The following SLIT1 variants were observed in gnomAD, a reference collection of about 807,000 sequenced individuals.
The protein encoded by SLIT1 is slit homolog 1 protein.
In SLIT1, 66 loss-of-function variants were observed where a neutral mutation model predicts 186.1. That is an observed-to-expected ratio of 0.35 (90% CI 0.29 to 0.44). The LOEUF is 0.44. Among genes scored for constraint, SLIT1 ranks in the 20% least tolerant of loss-of-function variants. The pLI is 1.00. For missense variants in SLIT1, 1,638 were observed against 2,037.4 expected (o/e 0.80, Z 3.77); for synonymous variants, 761 against 833.8 (o/e 0.91, Z 1.50).
rs569779330 is a variant in SLIT1 at position 97,008,005 on chromosome 10, G to A, written c.3342-1285C>T. ...GGAAGGAGGGAGGGAGGGAGGGAGA[G>A]GGGGAAGGCAGGAAGGCAAGAAGGA... is the stretch of plus-strand genomic sequence containing the variant. On this transcript the variant is annotated intron_variant, in intron 31 of 36. Transcript: ENST00000266058. Among the ~76,000 whole-genome samples the A allele has an allele frequency of 9.2e-5, 14 of 151,768 alleles. No homozygotes were observed. The South Asian group carries it at 2.9e-3, about 32-fold the overall frequency.
At chr10:97,114,754 G>A (rs917090191) in intron 4 of SLIT1, among the ~76,000 whole-genome samples, 3 of 152,144 alleles carry the variant, frequency 2.0e-5, no homozygotes, top group African/African-American at 4.8e-5. Context: ...AAGGAAGCTC[G>A]TCTCCCTAGC....
intron 1 of SLIT1, among the ~76,000 whole-genome samples, chr10:97,168,848 T>C (rs933082603): frequency 6.6e-6 from 1 of 152,172 alleles, no homozygotes; most frequent in African/African-American, 2.4e-5. Context: ...ATTTCACAGA[T>C]GGCAAAACTG....
intron 4 of SLIT1, among the ~76,000 whole-genome samples, chr10:97,073,070 A>C (rs1206296981): frequency 6.6e-6 from 1 of 152,228 alleles, no homozygotes; most frequent in Non-Finnish European, 1.5e-5. Flanking sequence ...TGGATGCCTC[A>C]ACCACATCGC....
At chr10:97,146,013 G>T (rs1849813663) in intron 4 of SLIT1, among the ~76,000 whole-genome samples, 2 of 152,098 alleles carry the variant, frequency 1.3e-5, no homozygotes, top group Non-Finnish European at 2.9e-5. Context: ...CTATTATATT[G>T]GTTAATAATG....
At chr10:97,046,579 C>A (rs529241945) in intron 18 of SLIT1, 75 bp downstream of exon 18, 3 of 1,438,546 alleles carry the variant, frequency 2.1e-6, no homozygotes, top group Non-Finnish European at 2.8e-6. Context: ...CTCCTCCAGC[C>A]TCTCTCTTCC....
rs45523139 is a variant in SLIT1, at chr10:97,066,143, G to C, written c.414-57C>G. On this transcript the variant is annotated intron_variant, in intron 4 of 36. Coordinates refer to ENST00000266058, the MANE Select transcript of SLIT1 (RefSeq NM_003061.3). ...ACCGGTCAGAAAAGAGGTTCCTGCA[G>C]AGTGCTGTGATAAGTCAGGGAAGCA... 733 of 1,376,982 alleles carry C rather than the reference G, an allele frequency of 5.3e-4. 1 individual carries two copies. Among genetic ancestry groups the C allele is most frequent in the Non-Finnish European group, 6.2e-4 (607 of 984,364 alleles). 85.3% of individuals were successfully genotyped at this position (1,376,982 alleles called of 1,614,324 possible). A position where few individuals can be genotyped will look rare whatever the true frequency, so the allele number is the denominator to read the frequency against.
At chr10:97,056,085 C>A (rs1848833546) in intron 13 of SLIT1, among the ~76,000 whole-genome samples, 1 of 152,186 alleles carries the variant, frequency 6.6e-6, no homozygotes, top group African/African-American at 2.4e-5. Context: ...CCCCATCTTA[C>A]GGATAAATAA....
intron 1 of SLIT1, among the ~76,000 whole-genome samples, chr10:97,178,929 C>T (rs1419536762): frequency 1.3e-5 from 2 of 152,116 alleles, no homozygotes; most frequent in African/African-American, 4.8e-5. Context: ...AATCTCCTCT[C>T]CCAGAACTCA....
chr10:97,049,902 C>G (rs187384450), intron 13 of SLIT1, among the ~76,000 whole-genome samples: 2 of 152,306 alleles, frequency 1.3e-5, no homozygotes, highest in Admixed American at 6.5e-5. Context: ...TTGCTGTGTG[C>G]GACCCCATGC....
chr10:97,059,260 T>C (rs1415852752), intron 11 of SLIT1, among the ~76,000 whole-genome samples, 200 bp downstream of exon 11: 2 of 152,136 alleles, frequency 1.3e-5, no homozygotes, highest in Non-Finnish European at 2.9e-5. Context: ...CGTCGGAGGG[T>C]CCACCAGTGA....
intron 1 of SLIT1, among the ~76,000 whole-genome samples, chr10:97,170,638 C>T (rs976058096): frequency 3.9e-5 from 6 of 152,342 alleles, no homozygotes; most frequent in South Asian, 2.1e-4. Flanking sequence ...ATCCTTCTCC[C>T]CAAGGAGGAA....
In SLIT1 at chr10:97,059,995, G is replaced by A. The variant is rs1464318318; in HGVS notation, c.1013+92C>T. ...GGCCAAGGCCACTCAGCTGTGGGGG[G>A]CTGAGTTAGGGCCTGCCCCAGGGCT... On this transcript the variant is annotated intron_variant, in intron 10 of 36. Transcript: ENST00000266058. 14 of 1,096,740 alleles carry A rather than the reference G, an allele frequency of 1.3e-5. No individual in the cohort carries two copies. The East Asian group carries it at 3.3e-4, about 26-fold the overall frequency. The allele number at this position is 1,096,740 out of a possible 1,614,324, so 67.9% of individuals were successfully genotyped here.
chr10:97,088,249 T>G (rs921098313), intron 4 of SLIT1, among the ~76,000 whole-genome samples: 4 of 152,204 alleles, frequency 2.6e-5, no homozygotes, highest in African/African-American at 7.2e-5. Context: ...CTATCTTCTC[T>G]GTCCCTCAAA....
intron 22 of SLIT1, among the ~76,000 whole-genome samples, chr10:97,035,494 C>G (rs1389308507): frequency 6.6e-6 from 1 of 152,214 alleles, no homozygotes; most frequent in African/African-American, 2.4e-5. Context: ...TCTGATCCGC[C>G]CCTGGCTGGT....
At chr10:97,130,393 G>A (rs1029624276) in intron 4 of SLIT1, among the ~76,000 whole-genome samples, 7 of 152,212 alleles carry the variant, frequency 4.6e-5, no homozygotes, top group Admixed American at 1.3e-4. Context: ...GATAACAAAC[G>A]TGGTATTTAA....
intron 4 of SLIT1, among the ~76,000 whole-genome samples, chr10:97,066,959 G>A (rs1414331895): frequency 2.0e-5 from 3 of 152,128 alleles, no homozygotes; most frequent in African/African-American, 4.8e-5. Flanking sequence ...GCTGGCTGTG[G>A]TGGGTGCGCC....
At chr10:97,064,378 A>G (rs994655886) in intron 6 of SLIT1, 139 bp from the exon 7 acceptor site, 5 of 727,970 alleles carry the variant, frequency 6.9e-6, no homozygotes, top group Non-Finnish European at 1.2e-5. Context: ...GCTAAGCCGA[A>G]GAGCATGAGG....
In SLIT1 at chr10:97,077,459, C is replaced by T. The variant is rs140238627; in HGVS notation, c.414-11373G>A. On this transcript the variant is annotated intron_variant, in intron 4 of 36. Coordinates refer to ENST00000266058, the MANE Select transcript of SLIT1 (RefSeq NM_003061.3). ...GCAGATGGCAGGGTCATCAGATCAG[C>T]GAGTTTCCCTAAAGGAAGTCTCAGG... Among the ~76,000 whole-genome samples the T allele has an allele frequency of 2.0e-5, 3 of 152,294 alleles. No homozygotes were observed. In the East Asian group the frequency reaches 5.8e-4, roughly 29 times the overall value.
At position 97,001,331 on chromosome 10, in the gene SLIT1, G is replaced by T. The variant is rs1848306687; in HGVS notation, c.4386C>A (p.Asp1462Glu). Residue 1462 changes from aspartate (D) to glutamate (E), a missense_variant, in exon 37 of 37, where the codon GAC (aspartate) becomes GAA (glutamate). By Grantham distance (45) the Asp-to-Glu change is conservative (BLOSUM62 2). Transcript: ENST00000266058. Reference sequence around the variant, plus strand: ...GGACCTGGTGAAAGTCCCGGACAGGGTCCCCCCGGCACTCGGACTCTGGAT... The same window carrying T: ...GGACCTGGTGAAAGTCCCGGACAGGTTCCCCCCGGCACTCGGACTCTGGAT... ...LCEQESECRG[D>E]PVRDFHQVQR... 3 of 1,612,640 alleles carry T rather than the reference G, an allele frequency of 1.9e-6. No homozygotes were observed. The highest frequency in any genetic ancestry group is 2.2e-5 in the South Asian group (2 of 91,046).
Sources: gnomAD v4.1 joint callset for allele counts (sites outside exome capture counted in the v4.1 genomes callset) on GRCh38, gnomAD v4.1.1 for gene constraint, MANE v1.5 for transcripts, NCBI Gene and HGNC (gene_info 2026-07-23, HGNC 2026-07-21) for gene names.